Variants in PTPRT observed in about 807,000 individuals in gnomAD.
PTPRT encodes the protein receptor-type tyrosine-protein phosphatase T.
PTPRT carries 56 observed loss-of-function variants against 176.8 expected under a neutral mutation model. The ratio of observed to expected loss-of-function variants is 0.32; its 90% CI spans 0.26 to 0.40. The LOEUF (loss-of-function observed/expected upper bound fraction) is 0.40, where lower values mean the gene tolerates loss of function less well. PTPRT is among the 10% of genes least tolerant of loss of function. The probability of loss-of-function intolerance (pLI) is 1.00; values close to 1 mark genes in which losing one functional copy is unlikely to be tolerated. For missense variants in PTPRT, 1,540 were observed against 1,908.2 expected (o/e 0.81, Z 3.60); for synonymous variants, 783 against 739.0 (o/e 1.06, Z -0.96).
chr20:42,951,212 T>C (rs561108227), intron 1 of PTPRT, among the ~76,000 whole-genome samples: 14 of 152,070 alleles, frequency 9.2e-5, no homozygotes, highest in East Asian at 1.9e-4. Context: ...CATGGGTAGA[T>C]GGATGGGTGG....
chr20:42,448,063 C>G (rs2070764000), intron 9 of PTPRT, among the ~76,000 whole-genome samples, 157 bp downstream of exon 9: 1 of 152,166 alleles, frequency 6.6e-6, no homozygotes, highest in Non-Finnish European at 1.5e-5. Context: ...CCACTGTGTG[C>G]CATTATGTTT....
At chr20:42,903,748 T>C (rs2079438295) in intron 1 of PTPRT, among the ~76,000 whole-genome samples, 1 of 152,158 alleles carries the variant, frequency 6.6e-6, no homozygotes, top group Non-Finnish European at 1.5e-5. Context: ...CTGAAATTAT[T>C]TGGATACCAA....
At chr20:42,400,138 G>T (rs1311525282) in intron 9 of PTPRT, among the ~76,000 whole-genome samples, 1 of 152,140 alleles carries the variant, frequency 6.6e-6, no homozygotes, top group African/African-American at 2.4e-5. Flanking sequence ...ACCCGTGCCA[G>T]ATTACATTTT....
intron 5 of PTPRT, among the ~76,000 whole-genome samples, chr20:42,756,873 G>C (rs1297119773): frequency 6.6e-6 from 1 of 152,010 alleles, no homozygotes; most frequent in Non-Finnish European, 1.5e-5. Flanking sequence ...TAGCAAGCAA[G>C]ACCTTGCCTC....
intron 25 of PTPRT, among the ~76,000 whole-genome samples, chr20:42,103,551 C>T (rs938655571): frequency 2.6e-5 from 4 of 152,160 alleles, no homozygotes; most frequent in South Asian, 2.1e-4. Context: ...CTGCAACCTC[C>T]GCCTCCCAGG....
At chr20:43,014,068 C>T (rs987461052) in intron 1 of PTPRT, among the ~76,000 whole-genome samples, 1 of 152,176 alleles carries the variant, frequency 6.6e-6, no homozygotes, top group African/African-American at 2.4e-5. Flanking sequence ...CATTCCCTTC[C>T]GTCAAGTACT....
intron 13 of PTPRT, among the ~76,000 whole-genome samples, chr20:42,253,318 T>G (rs1209645593): frequency 6.6e-6 from 1 of 152,164 alleles, no homozygotes; most frequent in Non-Finnish European, 1.5e-5. Flanking sequence ...TAGGTCCATA[T>G]AGAAGGCTAT....
chr20:42,547,431 A>G (rs2072695174), intron 7 of PTPRT, among the ~76,000 whole-genome samples: 1 of 152,088 alleles, frequency 6.6e-6, no homozygotes, highest in Admixed American at 6.6e-5. Flanking sequence ...GAGACTTTAT[A>G]GTCACAGAAG....
chr20:42,388,602 C>T (rs772731711), intron 9 of PTPRT, among the ~76,000 whole-genome samples: 8 of 152,160 alleles, frequency 5.3e-5, no homozygotes, highest in Admixed American at 1.3e-4. Flanking sequence ...GTTAGAATGG[C>T]GATTATTAAA....
intron 13 of PTPRT, among the ~76,000 whole-genome samples, chr20:42,267,506 T>C (rs188104383): frequency 4.5e-4 from 68 of 152,352 alleles, no homozygotes; most frequent in Middle Eastern, 3.4e-3. Flanking sequence ...TTACATACAA[T>C]ATTCAAATTC....
intron 1 of PTPRT, among the ~76,000 whole-genome samples, chr20:43,107,025 G>T (rs1395134283): frequency 6.6e-6 from 1 of 152,076 alleles, no homozygotes; most frequent in Non-Finnish European, 1.5e-5. Context: ...CCCAATCTCA[G>T]GTGATCCGCC....
At chr20:43,113,695 C>T (rs2012950747) in intron 1 of PTPRT, among the ~76,000 whole-genome samples, 1 of 152,166 alleles carries the variant, frequency 6.6e-6, no homozygotes, top group Admixed American at 6.5e-5. Context: ...CAAGGATAGA[C>T]TTAAAACTCC....
intron 2 of PTPRT, among the ~76,000 whole-genome samples, chr20:42,826,471 C>T (rs1479462575): frequency 1.3e-5 from 2 of 152,192 alleles, no homozygotes; most frequent in African/African-American, 2.4e-5. Flanking sequence ...ATGATGATGA[C>T]TATTTGAGTT....
chr20:42,451,522 G>A (rs2070826868), intron 8 of PTPRT, among the ~76,000 whole-genome samples: 1 of 152,096 alleles, frequency 6.6e-6, no homozygotes, highest in Admixed American at 6.6e-5. Context: ...AAAAAAATAG[G>A]TCTAAGACTA....
chr20:42,686,446 C>G, intron 6 of PTPRT: 1 of 138,668 alleles, frequency 7.2e-6, no homozygotes. Context: ...ACTTCCAGCT[C>G]ATAGTGCACT....
chr20:42,066,562 CATA>C, the PTPRT span, among the ~76,000 whole-genome samples: 4 of 152,202 alleles, frequency 2.6e-5, no homozygotes, highest in Non-Finnish European at 5.9e-5. Flanking sequence ...GTACATACTG[CATA>C]ATAACTATTT....
chr20:42,185,754 A>G (rs1990753350), intron 16 of PTPRT, among the ~76,000 whole-genome samples: 1 of 152,204 alleles, frequency 6.6e-6, no homozygotes, highest in South Asian at 2.1e-4. Context: ...CCAACTATTC[A>G]TCTACCCATC....
At chr20:42,109,759 AAAT>A (rs996774954) in intron 23 of PTPRT, among the ~76,000 whole-genome samples, 21 of 152,212 alleles carry the variant, frequency 1.4e-4, no homozygotes, top group African/African-American at 4.8e-4. Flanking sequence ...GACGAGAAGT[AAAT>A]AATGTGGGTA....
chr20:42,201,427 C>T (rs547230987), intron 15 of PTPRT, among the ~76,000 whole-genome samples: 1 of 152,174 alleles, frequency 6.6e-6, no homozygotes, highest in Non-Finnish European at 1.5e-5. Flanking sequence ...GAATCTCATG[C>T]TCTAGGTGTA....
Sources: allele counts gnomAD v4.1 joint callset (sites outside exome capture counted in the v4.1 genomes callset), GRCh38; gene constraint gnomAD v4.1.1; transcripts MANE v1.5; gene names NCBI Gene and HGNC (gene_info 2026-07-23, HGNC 2026-07-21).